AFAP1: variants seen among roughly 807,000 people sequenced by gnomAD.
AFAP1 encodes actin filament associated protein 1, also known as actin filament-associated protein 1.
AFAP1 carries 75 observed loss-of-function variants against 93.9 expected under a neutral mutation model. The ratio of observed to expected loss-of-function variants is 0.80; its 90% CI spans 0.66 to 0.97. AFAP1 has a LOEUF of 0.97. Among genes scored for constraint, AFAP1 ranks in the 50% least tolerant of loss-of-function variants. AFAP1 has a pLI of 0.00. For missense variants in AFAP1, 1,201 were observed against 1,050.8 expected (o/e 1.14, Z -1.98); for synonymous variants, 517 against 430.7 (o/e 1.20, Z -2.48).
intron 6 of AFAP1, among the ~76,000 whole-genome samples, chr4:7,828,915 T>C (rs1721659054): frequency 6.6e-6 from 1 of 152,350 alleles, no homozygotes; most frequent in East Asian, 1.9e-4. Flanking sequence ...TGAATTGTAG[T>C]TCCCATAATC....
At chr4:7,871,136 A>G (rs1716997994) in intron 2 of AFAP1, among the ~76,000 whole-genome samples, 2 of 152,138 alleles carry the variant, frequency 1.3e-5, no homozygotes, top group South Asian at 2.1e-4. Flanking sequence ...AGCAGCACTT[A>G]GCAGGCTTTC....
chr4:7,836,824 C>A lies in AFAP1; in HGVS notation c.726+1700G>T, dbSNP rs548845465. Among the ~76,000 whole-genome samples, 48 of 143,380 alleles carry A rather than the reference C, an allele frequency of 3.3e-4. No homozygotes were observed. In the South Asian group the frequency reaches 8.9e-3, roughly 27 times the overall value. 94.1% of individuals were successfully genotyped at this position (143,380 alleles called of 152,430 possible). On this transcript the variant is annotated intron_variant, in intron 6 of 17. Coordinates refer to ENST00000420658, the MANE Select transcript of AFAP1 (RefSeq NM_001134647.2). ...TGGCTGCACAACTCAGTGAATATAC[C>A]AAAAAAAAAAACACAAACCACTGAA...
Position 7,786,197 on chromosome 4 carries a change from G to A in AFAP1, c.1527C>T (p.Gly509=). The A allele has an allele frequency of 6.2e-7, 1 of 1,613,556 alleles. No individual in the cohort carries two copies. Among genetic ancestry groups the A allele is most frequent in the Non-Finnish European group, 8.5e-7 (1 of 1,179,652 alleles). The change falls in exon 12 of 18, where the codon GGC becomes GGT. Residue 509 remains glycine (G), a synonymous_variant. Coordinates refer to ENST00000420658, the MANE Select transcript of AFAP1 (RefSeq NM_001134647.2). ...ACTCCAAAAAAAGGGCACTCACCGA[G>A]CCGTTGATGCACGGGACATCGTCAT... is the stretch of plus-strand genomic sequence containing the variant. The part of the protein sequence containing the change: ...LHYDDVPCIN[G]SWEPEDGFPA...
In AFAP1 at chr4:7,786,174, T is replaced by G. The variant is rs776774222; in HGVS notation, c.1530+20A>C. 3.7e-6 allele frequency: 6 copies of G among 1,604,406 alleles called. No individual in the cohort carries two copies. The African/African-American group carries it at 5.4e-5, about 14-fold the overall frequency. On this transcript the variant is annotated intron_variant, in intron 12 of 17. Transcript: ENST00000420658. ...GGCCTCTAACAAAACCAACCATTAC[T>G]CCAAAAAAAGGGCACTCACCGAGCC...
intron 17 of AFAP1, among the ~76,000 whole-genome samples, chr4:7,768,246 G>C (rs923558067): frequency 3.3e-5 from 5 of 152,250 alleles, no homozygotes; most frequent in Non-Finnish European, 5.9e-5. Context: ...CTGCCGCCAG[G>C]ACCCGTTTGC....
chr4:7,936,773 G>C (rs1261748466), intron 1 of AFAP1, among the ~76,000 whole-genome samples: 3 of 151,484 alleles, frequency 2.0e-5, no homozygotes, highest in Non-Finnish European at 2.9e-5. Flanking sequence ...AGTGGAGATA[G>C]GGTTTCACCG....
At position 7,838,512 on chromosome 4, in the gene AFAP1, C is replaced by G; in HGVS notation, c.726+12G>C. On this transcript the variant is annotated intron_variant, in intron 6 of 17. Transcript: ENST00000420658. Reference sequence around the variant, plus strand: ...GAACTGAAATGGCTGTGAAACACAGCAGACAACCTACCTTCAGCCACTGCT... The same window carrying G: ...GAACTGAAATGGCTGTGAAACACAGGAGACAACCTACCTTCAGCCACTGCT... The G allele has an allele frequency of 6.2e-7, 1 of 1,607,838 alleles. No individual in the cohort carries two copies. The highest frequency in any genetic ancestry group is 8.5e-7 in the Non-Finnish European group (1 of 1,176,582).
At chr4:7,857,742 T>C (rs1218892311) in intron 3 of AFAP1, among the ~76,000 whole-genome samples, 3 of 152,222 alleles carry the variant, frequency 2.0e-5, no homozygotes, top group African/African-American at 7.2e-5. Flanking sequence ...CCTTTTAGCA[T>C]GGTCAAACAA....
intron 1 of AFAP1, among the ~76,000 whole-genome samples, chr4:7,878,816 G>C (rs987395945): frequency 6.6e-6 from 1 of 152,104 alleles, no homozygotes; most frequent in Admixed American, 6.5e-5. Flanking sequence ...AAAAATAAGA[G>C]CCAGAATGGG....
chr4:7,797,172 G>A (rs1718508799), intron 10 of AFAP1, among the ~76,000 whole-genome samples: 1 of 152,192 alleles, frequency 6.6e-6, no homozygotes, highest in Non-Finnish European at 1.5e-5. Flanking sequence ...GTCGATGCTA[G>A]CTAATAAATG....
Position 7,837,224 on chromosome 4 carries a change from T to C in AFAP1, c.726+1300A>G, listed in dbSNP as rs548110205. 9.2e-5 allele frequency among the ~76,000 whole-genome samples: 14 copies of C among 152,286 alleles called. 1 individual carries two copies. In the South Asian group the frequency reaches 2.9e-3, roughly 32 times the overall value. On this transcript the variant is annotated intron_variant, in intron 6 of 17. Coordinates refer to ENST00000420658, the MANE Select transcript of AFAP1 (RefSeq NM_001134647.2). ...AACAAACCAAAAAGATTAGAGACTC[T>C]AGGACTGAACACTACTGCCATGGAC...
In AFAP1 at chr4:7,939,477, C is replaced by A. The variant is rs1264229197; in HGVS notation, c.-3+179G>T. On this transcript the variant is annotated intron_variant, in intron 1 of 17. Transcript: ENST00000420658. This position sits in a 1 kb window ranked among gnomAD's most constrained non-coding sequence, Gnocchi z 5.6. Reference sequence around the variant, plus strand: ...GCCCCCACCCGCAGGACGACCGGGACCCCCGCGCGGGCCCACGCGGCGTCG... The same window carrying A: ...GCCCCCACCCGCAGGACGACCGGGAACCCCGCGCGGGCCCACGCGGCGTCG... The A allele has an allele frequency of 1.0e-5, 3 of 301,068 alleles. No homozygotes were observed. Among genetic ancestry groups the A allele is most frequent in the African/African-American group, 2.3e-5 (1 of 42,644 alleles). 18.6% of individuals were successfully genotyped at this position (301,068 alleles called of 1,614,324 possible).
chr4:7,769,545 G>A (rs534497004), intron 16 of AFAP1, among the ~76,000 whole-genome samples: 2 of 152,278 alleles, frequency 1.3e-5, no homozygotes, highest in East Asian at 1.9e-4. Context: ...TATGCCAAAG[G>A]AGGAGGTGTT....
intron 9 of AFAP1, among the ~76,000 whole-genome samples, chr4:7,801,503 TC>T (rs1226887361): frequency 6.6e-6 from 1 of 152,038 alleles, no homozygotes; most frequent in African/African-American, 2.4e-5. Flanking sequence ...AATGAATTCT[TC>T]TAGAAATAAC....
At chr4:7,879,381 A>T (rs112929184) in intron 1 of AFAP1, among the ~76,000 whole-genome samples, 1 of 152,224 alleles carries the variant, frequency 6.6e-6, no homozygotes, top group South Asian at 2.1e-4. Flanking sequence ...AACAAGAGCC[A>T]TATCTACACG....
intron 8 of AFAP1, among the ~76,000 whole-genome samples, chr4:7,815,544 C>T (rs542540739): frequency 6.6e-6 from 1 of 152,124 alleles, no homozygotes; most frequent in Admixed American, 6.5e-5. Flanking sequence ...GATGGGGAAA[C>T]TGAGGCTCAT....
intron 1 of AFAP1, among the ~76,000 whole-genome samples, chr4:7,913,252 TG>T (rs1331477320): frequency 1.3e-4 from 20 of 152,088 alleles, no homozygotes; most frequent in Admixed American, 1.3e-3. Flanking sequence ...TAGCTAGGCA[TG>T]GTGTTGCACA....
chr4:7,790,468 T>C (rs1717764046), intron 11 of AFAP1, among the ~76,000 whole-genome samples: 1 of 152,220 alleles, frequency 6.6e-6, no homozygotes, highest in Admixed American at 6.5e-5. Flanking sequence ...AGGGCAACGA[T>C]TTTAATTCAG....
At chr4:7,802,711 G>A (rs537503695) in intron 9 of AFAP1, among the ~76,000 whole-genome samples, 5 of 148,670 alleles carry the variant, frequency 3.4e-5, no homozygotes, top group East Asian at 2.0e-4. Flanking sequence ...GTGCAGTGGC[G>A]TGATCTCAGC....
Sources: gnomAD v4.1 joint callset for allele counts (sites outside exome capture counted in the v4.1 genomes callset) on GRCh38, gnomAD v4.1.1 for gene constraint, Gnocchi (gnomAD v3.1) non-coding constraint, MANE v1.5 for transcripts, NCBI Gene and HGNC (gene_info 2026-07-23, HGNC 2026-07-21) for gene names.